Variants in SUCLG2 observed in about 807,000 individuals in gnomAD.
SUCLG2 encodes the protein succinate-CoA ligase GDP-forming subunit beta.
In SUCLG2, 42 loss-of-function variants were observed where a neutral mutation model predicts 47.9. The ratio of observed to expected loss-of-function variants is 0.88; its 90% CI spans 0.69 to 1.14. SUCLG2 has a LOEUF of 1.14. SUCLG2 is among the 50% of genes most tolerant of loss of function. SUCLG2 has a pLI of 0.00. For synonymous variants in SUCLG2, 195 were observed against 197.3 expected, an observed-to-expected ratio of 0.99 and a Z score of 0.10; for missense variants, 571 against 525.9, an observed-to-expected ratio of 1.09 and a Z score of -0.84.
intron 9 of SUCLG2, among the ~76,000 whole-genome samples, chr3:67,473,664 A>G (rs1187653986): frequency 6.6e-6 from 1 of 152,200 alleles, no homozygotes; most frequent in Non-Finnish European, 1.5e-5. Context: ...TTCATTTTAA[A>G]ATGATATTTT....
intron 1 of SUCLG2, among the ~76,000 whole-genome samples, chr3:67,633,214 A>G (rs1251051238): frequency 6.6e-6 from 1 of 151,686 alleles, no homozygotes; most frequent in Non-Finnish European, 1.5e-5. Flanking sequence ...GGACATGATT[A>G]TTTTTTTGGG....
At chr3:67,495,667 A>AAG in intron 9 of SUCLG2, 131 bp downstream of exon 9, 1 of 1,062,034 alleles carries the variant, frequency 9.4e-7, no homozygotes, top group Non-Finnish European at 1.3e-6. Context: ...AAAAAAAAAA[A>AAG]GATAGAAGTT....
chr3:67,446,094 T>C lies in SUCLG2; in HGVS notation c.1063-45243A>G, dbSNP rs980043996. ...GGCATTGGTGACCCACTATTAGAGA[T>C]TTTATACAAGTTTTGGGGCTATCAG... is the stretch of plus-strand genomic sequence containing the variant. On this transcript the variant is annotated intron_variant, in intron 9 of 10. Transcript: ENST00000307227. Among the ~76,000 whole-genome samples the C allele has an allele frequency of 3.2e-4, 18 of 55,976 alleles. 5 individuals carry two copies. Among genetic ancestry groups the C allele is most frequent in the Non-Finnish European group, 4.2e-4 (11 of 26,248 alleles). 36.7% of individuals were successfully genotyped at this position (55,976 alleles called of 152,430 possible). A position where few individuals can be genotyped will look rare whatever the true frequency, so the allele number is the denominator to read the frequency against.
At chr3:67,617,424 G>A (rs1435577756) in intron 1 of SUCLG2, among the ~76,000 whole-genome samples, 1 of 152,168 alleles carries the variant, frequency 6.6e-6, no homozygotes, top group Non-Finnish European at 1.5e-5. Flanking sequence ...AAATAATAAT[G>A]TCAGATGTAG....
chr3:67,551,148 T>C (rs1211337080), intron 2 of SUCLG2, among the ~76,000 whole-genome samples: 1 of 152,172 alleles, frequency 6.6e-6, no homozygotes, highest in African/African-American at 2.4e-5. Flanking sequence ...AATGTGCTCA[T>C]GGTTGATGAG....
chr3:67,521,546 A>G (rs1301119258), intron 4 of SUCLG2, among the ~76,000 whole-genome samples: 1 of 151,000 alleles, frequency 6.6e-6, no homozygotes, highest in African/African-American at 2.5e-5. Context: ...CAGTAATGGA[A>G]TAATCCTACA....
chr3:67,430,044 G>C (rs1437683800), intron 9 of SUCLG2, among the ~76,000 whole-genome samples: 1 of 152,140 alleles, frequency 6.6e-6, no homozygotes, highest in Non-Finnish European at 1.5e-5. Flanking sequence ...AGATCAACGA[G>C]AGGGAAAGTT....
chr3:67,452,661 G>T (rs773715753), intron 9 of SUCLG2, among the ~76,000 whole-genome samples: 7 of 151,550 alleles, frequency 4.6e-5, no homozygotes, highest in Non-Finnish European at 1.0e-4. Context: ...CCTCCTTTCC[G>T]CCCTTCCCTC....
At chr3:67,628,707 G>T (rs1700876814) in intron 1 of SUCLG2, among the ~76,000 whole-genome samples, 1 of 152,142 alleles carries the variant, frequency 6.6e-6, no homozygotes, top group African/African-American at 2.4e-5. Context: ...TGTCTTGCCT[G>T]CCACCCTGTA....
chr3:67,485,674 A>G (rs1705032529), intron 9 of SUCLG2, among the ~76,000 whole-genome samples: 1 of 152,246 alleles, frequency 6.6e-6, no homozygotes, highest in Non-Finnish European at 1.5e-5. Context: ...CACTTTTAGT[A>G]GGAAATGTAA....
At chr3:67,612,962 C>T (rs1700557967) in intron 1 of SUCLG2, among the ~76,000 whole-genome samples, 1 of 152,216 alleles carries the variant, frequency 6.6e-6, no homozygotes, top group East Asian at 1.9e-4. Context: ...TGACAAAAGA[C>T]ACTGGTGAAC....
intron 9 of SUCLG2, among the ~76,000 whole-genome samples, chr3:67,473,613 A>G (rs1704660335): frequency 6.6e-6 from 1 of 152,166 alleles, no homozygotes; most frequent in South Asian, 2.1e-4. Context: ...GATATTGCAC[A>G]CTTCATTTTA....
At chr3:67,535,314 G>A (rs1279228460) in intron 2 of SUCLG2, among the ~76,000 whole-genome samples, 6 of 151,946 alleles carry the variant, frequency 3.9e-5, no homozygotes, top group African/African-American at 9.7e-5. Context: ...GAAAAGGCAC[G>A]TCTAAAAGTG....
At chr3:67,502,594 G>A (rs1203051697) in intron 7 of SUCLG2, among the ~76,000 whole-genome samples, 2 of 152,168 alleles carry the variant, frequency 1.3e-5, no homozygotes, top group Non-Finnish European at 2.9e-5. Context: ...GTTGTTAGAC[G>A]ACCACACCAC....
chr3:67,442,016 T>C (rs984208803), intron 9 of SUCLG2, among the ~76,000 whole-genome samples: 18 of 150,098 alleles, frequency 1.2e-4, no homozygotes, highest in South Asian at 4.2e-4. Flanking sequence ...TTCTTTCTTT[T>C]TTTTTTTTTT....
Position 67,401,551 on chromosome 3 carries a change from T to C in SUCLG2, c.1063-700A>G, listed in dbSNP as rs956770809. Among the ~76,000 whole-genome samples the C allele has an allele frequency of 2.7e-5, 4 of 149,214 alleles. No individual in the cohort carries two copies. The Admixed American group carries it at 2.7e-4, about 10-fold the overall frequency. ...CATCATGTTAACTTGTTTGTACATA[T>C]TCCATATTCAAAGGCATGTGGGCCA... On this transcript the variant is annotated intron_variant, in intron 9 of 10. Transcript: ENST00000307227.
chr3:67,396,430 G>A (rs1371163732), intron 10 of SUCLG2, among the ~76,000 whole-genome samples: 1 of 152,032 alleles, frequency 6.6e-6, no homozygotes, highest in Non-Finnish European at 1.5e-5. Context: ...AGAAGAAATG[G>A]ATAAATTCCT....
Position 67,414,018 on chromosome 3 carries a change from T to C in SUCLG2, c.1063-13167A>G, listed in dbSNP as rs189034186. On this transcript the variant is annotated intron_variant, in intron 9 of 10. Coordinates refer to ENST00000307227, the MANE Select transcript of SUCLG2 (RefSeq NM_003848.4). ...CCTATCAAAAAAAAGCTTCTTGGGT[T>C]GAAAAAAATATTTTTGTAAATGTCT... 2.6e-5 allele frequency among the ~76,000 whole-genome samples: 4 copies of C among 152,356 alleles called. No individual in the cohort carries two copies. In the East Asian group the frequency reaches 5.8e-4, roughly 22 times the overall value.
At chr3:67,587,362 T>G (rs970904746) in intron 2 of SUCLG2, among the ~76,000 whole-genome samples, 2 of 152,186 alleles carry the variant, frequency 1.3e-5, no homozygotes, top group African/African-American at 2.4e-5. Flanking sequence ...TTGGAATAAA[T>G]AAAGTATTAA....
Sources: gnomAD v4.1 joint callset for allele counts (sites outside exome capture counted in the v4.1 genomes callset) on GRCh38, gnomAD v4.1.1 for gene constraint, MANE v1.5 for transcripts, NCBI Gene and HGNC (gene_info 2026-07-23, HGNC 2026-07-21) for gene names.